Variants in LSM12 observed in about 807,000 individuals in gnomAD.
LSM12 encodes the protein LSM12 homolog.
For synonymous variants in LSM12, 74 were observed against 87.3 expected (o/e 0.85, Z 0.85); for missense variants, 108 against 238.9 (o/e 0.45, Z 3.61).
rs71160079 is a variant in LSM12, at chr17:44,035,677, C to CAAAAAAAAAAAAAAAAAAA, written c.*530_*531insTTTTTTTTTTTTTTTTTTT. On this transcript the variant is annotated 3_prime_UTR_variant, in exon 5 of 5. Coordinates refer to ENST00000293406, the MANE Select transcript of LSM12 (RefSeq NM_001371445.1). ...AAACTAATTCAAGCCATGCCCTGTGCAAAAAAAAAAAAAAAAAGAAAAAAG... is the reference window on the plus strand; with the variant it reads ...AAACTAATTCAAGCCATGCCCTGTGCAAAAAAAAAAAAAAAAAAAAAAAAAAAAAAAAAAAAGAAAAAAG... 5.2e-4 allele frequency: 30 copies of CAAAAAAAAAAAAAAAAAAA among 57,902 alleles called. No homozygotes were observed. The highest frequency in any genetic ancestry group is 2.4e-3 in the East Asian group (4 of 1,678). 3.6% of individuals were successfully genotyped at this position (57,902 alleles called of 1,614,324 possible).
intron 2 of LSM12, among the ~76,000 whole-genome samples, chr17:44,055,643 C>G (rs1184911268): frequency 6.8e-6 from 1 of 148,046 alleles, no homozygotes; most frequent in Non-Finnish European, 1.5e-5. Context: ...CACCACTGCA[C>G]TCTAGCCTGG....
intron 1 of LSM12, among the ~76,000 whole-genome samples, chr17:44,064,865 G>A (rs1294232458): frequency 2.6e-5 from 4 of 152,278 alleles, no homozygotes; most frequent in African/African-American, 4.8e-5. Flanking sequence ...GCCGCGCGGT[G>A]GCTCACGCTG....
chr17:44,051,388 T>C (rs2049641430), intron 2 of LSM12, among the ~76,000 whole-genome samples: 1 of 37,232 alleles, frequency 2.7e-5, no homozygotes, highest in Non-Finnish European at 4.8e-5. Context: ...AGACTCCGTC[T>C]CAAAAAAAAA....
At chr17:44,047,681 G>A (rs1417937532) in intron 2 of LSM12, among the ~76,000 whole-genome samples, 1 of 151,790 alleles carries the variant, frequency 6.6e-6, no homozygotes, top group African/African-American at 2.4e-5. Context: ...TCCCACCTCA[G>A]CCTCCCAAGC....
intron 2 of LSM12, among the ~76,000 whole-genome samples, chr17:44,048,018 A>AACACACACAC (rs57164806): frequency 2.0e-4 from 28 of 137,386 alleles, no homozygotes; most frequent in South Asian, 4.9e-4. Context: ...GTCCGTATTA[A>AACACACACAC]ACACACACAC....
chr17:44,062,040 T>C (rs1389869830), intron 2 of LSM12, among the ~76,000 whole-genome samples: 1 of 151,862 alleles, frequency 6.6e-6, no homozygotes, highest in Non-Finnish European at 1.5e-5. Context: ...GCTAACACAG[T>C]GAAACCCCGT....
chr17:44,065,576 C>A (rs886644383), intron 1 of LSM12, among the ~76,000 whole-genome samples: 1 of 152,076 alleles, frequency 6.6e-6, no homozygotes, highest in African/African-American at 2.4e-5. Context: ...ATTTCCAAGA[C>A]TGAGTTTCCT....
rs773579884 is a variant in LSM12 at position 44,040,124 on chromosome 17, G to C, written c.368+23C>G. On this transcript the variant is annotated intron_variant, in intron 3 of 4. Coordinates refer to ENST00000293406, the MANE Select transcript of LSM12 (RefSeq NM_001371445.1). The stretch of plus-strand genomic sequence containing the variant: ...CCAGGTAGCATTACCCCAGGACAAA[G>C]GACCTCTCCGATCCCAACTCACGTC... 40 of 1,576,794 alleles carry C rather than the reference G, an allele frequency of 2.5e-5. No individual in the cohort carries two copies. In the Admixed American group the frequency reaches 4.0e-4, roughly 16 times the overall value.
intron 2 of LSM12, among the ~76,000 whole-genome samples, chr17:44,050,033 C>T (rs1290080141): frequency 1.3e-5 from 2 of 152,198 alleles, no homozygotes; most frequent in South Asian, 2.1e-4. Flanking sequence ...GAACTGTCAT[C>T]GTAAGGGCCC....
At position 44,063,942 on chromosome 17, in the gene LSM12, G is replaced by GAA; in HGVS notation, c.125-10_125-9dup. 8.7e-6 allele frequency: 13 copies of GAA among 1,488,878 alleles called. No individual in the cohort carries two copies. Among genetic ancestry groups the GAA allele is most frequent in the South Asian group, 2.5e-5 (2 of 80,068 alleles). 92.2% of individuals were successfully genotyped at this position (1,488,878 alleles called of 1,614,324 possible). A position where few individuals can be genotyped will look rare whatever the true frequency, so the allele number is the denominator to read the frequency against. On this transcript the variant is annotated splice_polypyrimidine_tract_variant and intron_variant, in intron 1 of 4. Transcript: ENST00000293406. ...CACTGGAAGAGGGACATTCTGGTGA[G>GAA]AAAAAAAAAAGTTAAGGAAAAATAG...
At chr17:44,044,973 A>C (rs1354303723) in intron 2 of LSM12, among the ~76,000 whole-genome samples, 1 of 152,210 alleles carries the variant, frequency 6.6e-6, no homozygotes, top group Admixed American at 6.5e-5. Flanking sequence ...CTCAGTAGAG[A>C]AAGTGTAGAA....
chr17:44,038,953 T>C (rs170635), intron 3 of LSM12, among the ~76,000 whole-genome samples: 140,462 of 152,060 alleles, frequency 0.92, 64,928 homozygotes, highest in East Asian at 1. Context: ...GAGTAACAGA[T>C]GGCAGTGTGG....
intron 2 of LSM12, among the ~76,000 whole-genome samples, chr17:44,045,343 G>C (rs1405959004): frequency 1.3e-5 from 2 of 152,050 alleles, no homozygotes; most frequent in Non-Finnish European, 2.9e-5. Flanking sequence ...TATTTCTATA[G>C]TTTTTCCTTT....
In LSM12 at chr17:44,059,720, G is replaced by A. The variant is rs374382351; in HGVS notation, c.258+4081C>T. Among the ~76,000 whole-genome samples the A allele has an allele frequency of 2.0e-5, 3 of 152,170 alleles. No individual in the cohort carries two copies. The East Asian group carries it at 5.8e-4, about 29-fold the overall frequency. On this transcript the variant is annotated intron_variant, in intron 2 of 4. Coordinates refer to ENST00000293406, the MANE Select transcript of LSM12 (RefSeq NM_001371445.1). ...GCTAGTTTATACCTTCCCTAGTTGAGCTATTATTAAGTATTTCCTGTATAA... is the reference window on the plus strand; with the variant it reads ...GCTAGTTTATACCTTCCCTAGTTGAACTATTATTAAGTATTTCCTGTATAA...
At chr17:44,060,482 G>A (rs1490848566) in intron 2 of LSM12, among the ~76,000 whole-genome samples, 1 of 152,110 alleles carries the variant, frequency 6.6e-6, no homozygotes, top group African/African-American at 2.4e-5. Flanking sequence ...TGATTTCAAG[G>A]GAAAGCCAAT....
intron 2 of LSM12, among the ~76,000 whole-genome samples, chr17:44,063,173 T>A (rs1000934573): frequency 4.0e-5 from 6 of 151,716 alleles, no homozygotes; most frequent in South Asian, 4.2e-4. Flanking sequence ...GGCAGGAGGG[T>A]CACTTGAGCC....
chr17:44,043,064 A>G (rs113470493), intron 2 of LSM12, among the ~76,000 whole-genome samples: 7 of 152,304 alleles, frequency 4.6e-5, no homozygotes, highest in African/African-American at 1.7e-4. Context: ...TTATAAAATT[A>G]AGCACTTTCT....
chr17:44,056,149 T>C (rs2049710798), intron 2 of LSM12, among the ~76,000 whole-genome samples: 2 of 151,738 alleles, frequency 1.3e-5, no homozygotes, highest in Admixed American at 1.3e-4. Context: ...GGTGCATGCC[T>C]GTAATCCCAG....
At chr17:44,039,272 C>T (rs980124948) in intron 3 of LSM12, among the ~76,000 whole-genome samples, 1 of 151,146 alleles carries the variant, frequency 6.6e-6, no homozygotes, top group Non-Finnish European at 1.5e-5. Flanking sequence ...TCAGGCTGGT[C>T]TGGAACTCCC....
Sources: allele counts gnomAD v4.1 joint callset (sites outside exome capture counted in the v4.1 genomes callset), GRCh38; gene constraint gnomAD v4.1.1; transcripts MANE v1.5; gene names NCBI Gene and HGNC (gene_info 2026-07-23, HGNC 2026-07-21).